The following BTAF1 variants were observed in gnomAD, a reference collection of about 807,000 sequenced individuals.
The protein encoded by BTAF1 is B-TFIID TATA-box binding protein associated factor 1.
In BTAF1, 38 loss-of-function variants were observed where a neutral mutation model predicts 227.1. That is an observed-to-expected ratio of 0.17 (90% CI 0.13 to 0.22). The LOEUF (loss-of-function observed/expected upper bound fraction) is 0.22, where lower values mean the gene tolerates loss of function less well. BTAF1 is among the 10% of genes least tolerant of loss of function. The pLI, the probability that BTAF1 is intolerant of heterozygous loss-of-function variation, is 1.00. For missense variants in BTAF1, 1,598 were observed against 2,204.0 expected (o/e 0.73, Z 5.51); for synonymous variants, 742 against 751.9 (o/e 0.99, Z 0.21).
chr10:92,025,871 G>C (rs1851477186), intron 35 of BTAF1, among the ~76,000 whole-genome samples: 1 of 147,596 alleles, frequency 6.8e-6, no homozygotes, highest in Non-Finnish European at 1.5e-5. Context: ...AATAAAGTTA[G>C]AGACCCGGGG....
chr10:91,968,349 A>C (rs1449470186), intron 14 of BTAF1, among the ~76,000 whole-genome samples: 1 of 152,192 alleles, frequency 6.6e-6, no homozygotes, highest in Non-Finnish European at 1.5e-5. Context: ...ATATGAAATT[A>C]AGGTTTCTCC....
chr10:91,992,370 T>C, intron 21 of BTAF1, 61 bp downstream of exon 21: 2 of 1,431,984 alleles, frequency 1.4e-6, no homozygotes, highest in East Asian at 4.7e-5. Context: ...GACTTACAAA[T>C]TGAGAACTAA....
intron 25 of BTAF1, among the ~76,000 whole-genome samples, chr10:92,004,592 CAAGTA>C (rs2134085788): frequency 6.6e-6 from 1 of 152,250 alleles, no homozygotes; most frequent in Admixed American, 6.5e-5. Flanking sequence ...CCCAGCCTCC[CAAGTA>C]GATGGGACTA....
intron 1 of BTAF1, among the ~76,000 whole-genome samples, chr10:91,931,572 C>CT (rs2133774210): frequency 6.6e-6 from 1 of 152,296 alleles, no homozygotes; most frequent in South Asian, 2.1e-4. Context: ...CCCTTCTCTT[C>CT]TGACCATCTA....
chr10:92,019,623 A>G (rs1197362308), intron 34 of BTAF1, among the ~76,000 whole-genome samples: 3 of 152,210 alleles, frequency 2.0e-5, no homozygotes, highest in Non-Finnish European at 4.4e-5. Flanking sequence ...CACTCCCACC[A>G]GCAATGTACC....
chr10:92,020,044 A>C (rs1016358915), intron 34 of BTAF1, among the ~76,000 whole-genome samples: 1 of 151,860 alleles, frequency 6.6e-6, no homozygotes, highest in African/African-American at 2.4e-5. Flanking sequence ...ATAATTCTGG[A>C]TATTAAACCC....
intron 15 of BTAF1, 92 bp downstream of exon 15, chr10:91,980,650 T>C (rs939063697): frequency 8.3e-6 from 8 of 958,476 alleles, no homozygotes; most frequent in African/African-American, 1.6e-5. Flanking sequence ...GTCATTCATA[T>C]CTCATGGAGA....
At chr10:91,930,661 C>T (rs577562859) in intron 1 of BTAF1, among the ~76,000 whole-genome samples, 1 of 152,254 alleles carries the variant, frequency 6.6e-6, no homozygotes, top group Admixed American at 6.5e-5. Context: ...TTCTTTTGAC[C>T]TTAATGATAA....
chr10:91,982,799 G>A (rs184963763), intron 18 of BTAF1, 38 bp downstream of exon 18: 1 of 1,531,188 alleles, frequency 6.5e-7, no homozygotes, highest in East Asian at 2.3e-5. Context: ...GACAAATTAA[G>A]TAAACCAATT....
At chr10:91,963,538 G>C (rs1457493150) in intron 12 of BTAF1, among the ~76,000 whole-genome samples, 1 of 152,088 alleles carries the variant, frequency 6.6e-6, no homozygotes, top group Non-Finnish European at 1.5e-5. Context: ...CAGAGTGCTG[G>C]GGTTACTGGT....
chr10:92,017,943 G>T (rs1247000765), intron 33 of BTAF1, among the ~76,000 whole-genome samples: 1 of 152,172 alleles, frequency 6.6e-6, no homozygotes, highest in Non-Finnish European at 1.5e-5. Context: ...AGAAAGTGTG[G>T]CTGAATCAGA....
Position 91,982,698 on chromosome 10 carries a change from C to T in BTAF1, c.2160C>T (p.Ser720=), listed in dbSNP as rs748924234. Residue 720 remains serine (S), a synonymous_variant, in exon 18 of 38, where the codon TCC becomes TCT. Coordinates refer to ENST00000265990, the MANE Select transcript of BTAF1 (RefSeq NM_003972.3). ...AGTTACTACTCTTCCATTTGAACTCCAAGTCTGCTTTACAGAGGATTAGTG... is the reference window on the plus strand; with the variant it reads ...AGTTACTACTCTTCCATTTGAACTCTAAGTCTGCTTTACAGAGGATTAGTG... ...LGQLLLFHLN[S]KSALQRISVA... The T allele has an allele frequency of 1.2e-6, 2 of 1,613,916 alleles. No homozygotes were observed. The highest frequency in any genetic ancestry group is 1.7e-5 in the Admixed American group (1 of 60,010).
chr10:92,024,247 G>A (rs1189708318), intron 34 of BTAF1, among the ~76,000 whole-genome samples: 1 of 152,142 alleles, frequency 6.6e-6, no homozygotes, highest in Non-Finnish European at 1.5e-5. Context: ...AAATGTGGCT[G>A]CTCCATTGTT....
At chr10:92,008,053 G>C in intron 25 of BTAF1, 70 bp from the exon 26 acceptor site, 1 of 1,330,690 alleles carries the variant, frequency 7.5e-7, no homozygotes, top group Non-Finnish European at 1.0e-6. Flanking sequence ...TGTTTGTTTT[G>C]TGTTTATTTG....
chr10:91,994,170 TGG>T (rs1170939614), intron 22 of BTAF1, among the ~76,000 whole-genome samples: 2 of 151,888 alleles, frequency 1.3e-5, no homozygotes, highest in Non-Finnish European at 2.9e-5. Flanking sequence ...AAAAATTAGC[TGG>T]GCGTGTAGTC....
intron 1 of BTAF1, among the ~76,000 whole-genome samples, chr10:91,931,897 T>A (rs144404319): frequency 6.6e-6 from 1 of 152,318 alleles, no homozygotes; most frequent in Non-Finnish European, 1.5e-5. Context: ...AGAAGCATTC[T>A]TGTGTCTCCA....
At chr10:92,002,276 T>A (rs549054394) in intron 25 of BTAF1, among the ~76,000 whole-genome samples, 2 of 152,316 alleles carry the variant, frequency 1.3e-5, no homozygotes, top group East Asian at 3.9e-4. Context: ...TAAGTCTTCA[T>A]AGAAAAAATC....
chr10:92,019,270 T>C (rs1017793934), intron 34 of BTAF1, among the ~76,000 whole-genome samples: 7 of 152,232 alleles, frequency 4.6e-5, no homozygotes, highest in African/African-American at 1.7e-4. Flanking sequence ...TAGCCCCTGG[T>C]AATCTCTAAT....
At chr10:92,013,877 T>C in intron 31 of BTAF1, 22 bp from the exon 32 acceptor site, 1 of 1,612,942 alleles carries the variant, frequency 6.2e-7, no homozygotes. Flanking sequence ...TTTGAAGCCA[T>C]TTTCTCTTTA....
Sources: gnomAD v4.1 joint callset for allele counts (sites outside exome capture counted in the v4.1 genomes callset) on GRCh38, gnomAD v4.1.1 for gene constraint, MANE v1.5 for transcripts, NCBI Gene and HGNC (gene_info 2026-07-23, HGNC 2026-07-21) for gene names.